MBNL2: variants seen among roughly 807,000 people sequenced by gnomAD.
MBNL2 encodes the protein muscleblind like splicing regulator 2.
MBNL2 carries 17 observed loss-of-function variants against 41.9 expected under a neutral mutation model. That is an observed-to-expected ratio of 0.41 (90% CI 0.28 to 0.61). MBNL2 has a LOEUF of 0.61. MBNL2 is among the 20% of genes least tolerant of loss of function. The probability of loss-of-function intolerance (pLI) is 0.35; values close to 1 mark genes in which losing one functional copy is unlikely to be tolerated. For synonymous variants in MBNL2, 195 were observed against 182.9 expected, an observed-to-expected ratio of 1.07 and a Z score of -0.53; for missense variants, 336 against 505.6, an observed-to-expected ratio of 0.66 and a Z score of 3.22.
chr13:97,244,975 A>C (rs1288375881), intron 1 of MBNL2, among the ~76,000 whole-genome samples: 1 of 152,190 alleles, frequency 6.6e-6, no homozygotes, highest in East Asian at 1.9e-4. Context: ...TATTTTATCT[A>C]ATAATGACCA....
At chr13:97,329,702 ATG>A (rs1566420605) in intron 2 of MBNL2, among the ~76,000 whole-genome samples, 2 of 206 alleles carry the variant, frequency 9.7e-3, no homozygotes, top group African/African-American at 0.028. Flanking sequence ...ATACACACAC[ATG>A]CAGCACACAT....
chr13:97,320,359 A>G (rs1426113994), intron 2 of MBNL2, among the ~76,000 whole-genome samples: 2 of 151,012 alleles, frequency 1.3e-5, no homozygotes, highest in Non-Finnish European at 2.9e-5. Flanking sequence ...TCCCGGGTTC[A>G]AGAGATTCTG....
chr13:97,222,993 A>G (rs1330652223), intron 1 of MBNL2, among the ~76,000 whole-genome samples: 1 of 152,208 alleles, frequency 6.6e-6, no homozygotes, highest in Non-Finnish European at 1.5e-5. Flanking sequence ...CTATTTATTA[A>G]AAATTAGGGA....
chr13:97,378,834 A>T (rs949371135), intron 8 of MBNL2, among the ~76,000 whole-genome samples: 1 of 152,236 alleles, frequency 6.6e-6, no homozygotes, highest in African/African-American at 2.4e-5. Flanking sequence ...ATCAAAAACC[A>T]CTATTACATA....
At chr13:97,353,068 A>G (rs556814226) in intron 5 of MBNL2, among the ~76,000 whole-genome samples, 1 of 152,316 alleles carries the variant, frequency 6.6e-6, no homozygotes, top group South Asian at 2.1e-4. Flanking sequence ...TTCACATTAC[A>G]TTCATGGTTA....
chr13:97,177,019 G>A, the MBNL2 span, among the ~76,000 whole-genome samples: 2 of 152,166 alleles, frequency 1.3e-5, no homozygotes, highest in African/African-American at 2.4e-5. Flanking sequence ...TACAAAAAAT[G>A]TATAGTTATC....
chr13:97,339,806 T>G (rs111387881), intron 3 of MBNL2, among the ~76,000 whole-genome samples: 36,388 of 148,650 alleles, frequency 0.24, 4,729 homozygotes, highest in Non-Finnish European at 0.29. Flanking sequence ...CGTGTTCCTG[T>G]GCAACTCTCC....
At chr13:97,367,157 T>C (rs950122328) in intron 8 of MBNL2, among the ~76,000 whole-genome samples, 2 of 152,188 alleles carry the variant, frequency 1.3e-5, no homozygotes, top group African/African-American at 4.8e-5. Flanking sequence ...AAAGGCTGGA[T>C]ATAACTGATG....
intron 2 of MBNL2, among the ~76,000 whole-genome samples, chr13:97,332,919 T>C (rs1380426619): frequency 6.6e-6 from 1 of 152,178 alleles, no homozygotes; most frequent in East Asian, 1.9e-4. Context: ...AGGACAGCAT[T>C]TGTTGATTAG....
At chr13:97,306,941 C>T (rs1305391866) in intron 2 of MBNL2, among the ~76,000 whole-genome samples, 3 of 152,178 alleles carry the variant, frequency 2.0e-5, no homozygotes, top group African/African-American at 7.2e-5. Flanking sequence ...TGTGTGGAGG[C>T]TCTGCCTTGG....
intron 1 of MBNL2, among the ~76,000 whole-genome samples, chr13:97,223,063 C>T (rs747168818): frequency 6.6e-6 from 1 of 152,176 alleles, no homozygotes; most frequent in Non-Finnish European, 1.5e-5. Flanking sequence ...TTTTAAACAA[C>T]CTAGCAAGAG....
At chr13:97,290,414 C>A (rs1013985724) in intron 2 of MBNL2, among the ~76,000 whole-genome samples, 2 of 151,638 alleles carry the variant, frequency 1.3e-5, no homozygotes, top group African/African-American at 4.8e-5. Flanking sequence ...CGGTGGCTCA[C>A]GCCTGTAATC....
At chr13:97,368,430 A>AAATAAAATAT (rs1002936421) in intron 8 of MBNL2, among the ~76,000 whole-genome samples, 1 of 152,020 alleles carries the variant, frequency 6.6e-6, no homozygotes, top group African/African-American at 2.4e-5. Context: ...AAATAAAATA[A>AAATAAAATAT]AATAAAATAC....
chr13:97,290,821 G>A (rs555602593), intron 2 of MBNL2, among the ~76,000 whole-genome samples: 1 of 152,294 alleles, frequency 6.6e-6, no homozygotes, highest in South Asian at 2.1e-4. Flanking sequence ...GAAGACTTTT[G>A]CAGAAAGGGT....
chr13:97,211,196 T>C, the MBNL2 span, among the ~76,000 whole-genome samples: 3 of 152,164 alleles, frequency 2.0e-5, no homozygotes, highest in African/African-American at 7.2e-5. Flanking sequence ...AGGGTGTAGA[T>C]GAAAGATTTC....
chr13:97,298,582 T>A (rs2057304241), intron 2 of MBNL2, among the ~76,000 whole-genome samples: 1 of 152,252 alleles, frequency 6.6e-6, no homozygotes, highest in Non-Finnish European at 1.5e-5. Context: ...ATGCTGTTTT[T>A]CCCTTTACAT....
intron 8 of MBNL2, among the ~76,000 whole-genome samples, chr13:97,370,182 G>A (rs950620111): frequency 6.6e-6 from 1 of 152,108 alleles, no homozygotes; most frequent in African/African-American, 2.4e-5. Context: ...ACAAAAGTTA[G>A]CTACCTCAGC....
intron 2 of MBNL2, among the ~76,000 whole-genome samples, chr13:97,298,077 T>C (rs954122976): frequency 4.6e-5 from 7 of 152,090 alleles, no homozygotes; most frequent in Non-Finnish European, 1.0e-4. Flanking sequence ...CTTCAGTATA[T>C]TAGATATAGT....
chr13:97,349,598 G>A (rs2062237301), intron 5 of MBNL2, among the ~76,000 whole-genome samples: 2 of 152,140 alleles, frequency 1.3e-5, no homozygotes, highest in Admixed American at 1.3e-4. Context: ...TGCGATCTTG[G>A]CTCACTGGAG....
Sources: gnomAD v4.1 joint callset for allele counts (sites outside exome capture counted in the v4.1 genomes callset) on GRCh38, gnomAD v4.1.1 for gene constraint, MANE v1.5 for transcripts, NCBI Gene and HGNC (gene_info 2026-07-23, HGNC 2026-07-21) for gene names.